Variants in MARF1 observed in about 807,000 individuals in gnomAD.
MARF1 encodes the protein limkain-b1.
In MARF1, 24 loss-of-function variants were observed where a neutral mutation model predicts 168.2. That is an observed-to-expected ratio of 0.14 (90% confidence interval 0.10 to 0.20). MARF1 has a LOEUF of 0.20. MARF1 is among the 10% of genes least tolerant of loss of function. MARF1 has a pLI of 1.00. For missense variants in MARF1, 1,744 were observed against 2,143.6 expected, an observed-to-expected ratio of 0.81 and a Z score of 3.68; for synonymous variants, 868 against 822.4, an observed-to-expected ratio of 1.06 and a Z score of -0.95.
chr16:15,641,133 T>C (rs2035923656), intron 1 of MARF1, among the ~76,000 whole-genome samples: 1 of 151,878 alleles, frequency 6.6e-6, no homozygotes, highest in Non-Finnish European at 1.5e-5. Context: ...TTTCCTCCTA[T>C]GCAAAATGTG....
At chr16:15,613,815 A>G (rs1185649622) in intron 16 of MARF1, among the ~76,000 whole-genome samples, 1 of 152,200 alleles carries the variant, frequency 6.6e-6, no homozygotes, top group African/African-American at 2.4e-5. Context: ...GGTGTCCCGT[A>G]AGAAACCTGA....
intron 21 of MARF1, 98 bp downstream of exon 21, chr16:15,608,193 A>T (rs2033180085): frequency 2.6e-6 from 2 of 758,220 alleles, no homozygotes; most frequent in South Asian, 1.9e-5. Flanking sequence ...GTGTAAATAA[A>T]GAAACGCTAC....
chr16:15,641,734 G>A (rs2035979971), intron 1 of MARF1, among the ~76,000 whole-genome samples: 1 of 152,186 alleles, frequency 6.6e-6, no homozygotes, highest in Admixed American at 6.6e-5. Context: ...ATGAAGTTTT[G>A]TAGCGAGCCT....
chr16:15,609,752 ATCACAGTTTTTT>A, intron 19 of MARF1, 27 bp from the exon 20 acceptor site: 1 of 1,592,598 alleles, frequency 6.3e-7, no homozygotes, highest in South Asian at 1.1e-5. Flanking sequence ...AAAACATAAA[ATCACAGTTTTTT>A]TCTACCCATT....
At chr16:15,624,286 C>G (rs1173061634) in intron 10 of MARF1, among the ~76,000 whole-genome samples, 1 of 152,192 alleles carries the variant, frequency 6.6e-6, no homozygotes, top group Non-Finnish European at 1.5e-5. Flanking sequence ...CTAAAAGGAG[C>G]TCATGGGAAT....
At chr16:15,601,554 C>G (rs1014517028) in intron 23 of MARF1, 5 of 255,650 alleles carry the variant, frequency 2.0e-5, no homozygotes, top group Non-Finnish European at 2.3e-5. Flanking sequence ...CTGCTCATGT[C>G]ATCATCCCCT....
In MARF1 at chr16:15,636,360, G is replaced by A; in HGVS notation, c.145-18C>T. ...TACTCTTTCTGAGAAAAGAAAATCA[G>A]AACATAAATTAATTTTATGAGGTCC... On this transcript the variant is annotated intron_variant, in intron 2 of 26. Coordinates refer to ENST00000396368, the MANE Select transcript of MARF1 (RefSeq NM_014647.4). 1 of 1,515,148 alleles carries A rather than the reference G, an allele frequency of 6.6e-7. No individual in the cohort carries two copies. The allele number at this position is 1,515,148 out of a possible 1,614,324, so 93.9% of individuals were successfully genotyped here.
At chr16:15,606,305 T>G (rs2033007360) in intron 21 of MARF1, among the ~76,000 whole-genome samples, 1 of 152,132 alleles carries the variant, frequency 6.6e-6, no homozygotes, top group African/African-American at 2.4e-5. Flanking sequence ...GCTCATCCCA[T>G]GCCTTTTCCT....
rs569771287 is a variant in MARF1 at position 15,595,057 on chromosome 16, G to C, written c.*1636C>G. On this transcript the variant is annotated 3_prime_UTR_variant, in exon 27 of 27. Transcript: ENST00000396368. ...TCTCAACACCAATTATTATTACTTT[G>C]TTTAAAAGCTCCTTTAAAAAAAATT... The C allele has an allele frequency of 6.6e-6, 1 of 152,630 alleles. No homozygotes were observed. Among genetic ancestry groups the C allele is most frequent in the South Asian group, 2.1e-4 (1 of 4,828 alleles). 9.5% of individuals were successfully genotyped at this position (152,630 alleles called of 1,614,324 possible). A position where few individuals can be genotyped will look rare whatever the true frequency, so the allele number is the denominator to read the frequency against.
chr16:15,611,195 A>G, intron 18 of MARF1, 87 bp from the exon 19 acceptor site: 1 of 1,326,986 alleles, frequency 7.5e-7, no homozygotes, highest in Non-Finnish European at 1.1e-6. Flanking sequence ...GCTGGGGCTC[A>G]CGCCTGTAAT....
Position 15,617,484 on chromosome 16 carries a change from G to A in MARF1, c.2772C>T (p.Val924=), listed in dbSNP as rs768938430. ...GTCCGTTTCCTTGTTCACGGATTGC[G>A]ACCGTGTCTGTTAATTTATATAGAT... The part of the protein sequence containing the change: ...VSDLYKLTDT[V]AIREQGNGRL... The change falls in exon 14 of 27, where the codon GTC becomes GTT. Residue 924 remains valine, a synonymous_variant. Transcript: ENST00000396368. 9 of 1,613,630 alleles carry A rather than the reference G, an allele frequency of 5.6e-6. No individual in the cohort carries two copies. Among genetic ancestry groups the A allele is most frequent in the East Asian group, 2.2e-5 (1 of 44,892 alleles).
intron 7 of MARF1, among the ~76,000 whole-genome samples, chr16:15,628,711 C>T (rs539856639): frequency 6.6e-6 from 1 of 152,208 alleles, no homozygotes; most frequent in Non-Finnish European, 1.5e-5. Context: ...CCACATCACT[C>T]GGCCCACACC....
chr16:15,640,746 T>C (rs1817453129), intron 1 of MARF1, among the ~76,000 whole-genome samples: 1 of 152,144 alleles, frequency 6.6e-6, no homozygotes, highest in African/African-American at 2.4e-5. Flanking sequence ...TGTCCATAAA[T>C]AAAGTTTAAT....
chr16:15,603,346 T>A (rs954062032), intron 22 of MARF1, among the ~76,000 whole-genome samples: 3 of 152,054 alleles, frequency 2.0e-5, no homozygotes, highest in East Asian at 1.9e-4. Flanking sequence ...TAGAACAGTA[T>A]TTTTTTTCTT....
chr16:15,642,284 G>C (rs897432811), intron 1 of MARF1, among the ~76,000 whole-genome samples: 1 of 152,080 alleles, frequency 6.6e-6, no homozygotes, highest in South Asian at 2.1e-4. Flanking sequence ...TCCCCCATTA[G>C]GCTATAAACT....
intron 17 of MARF1, 79 bp from the exon 18 acceptor site, chr16:15,611,813 T>TA: frequency 8.1e-7 from 1 of 1,235,636 alleles, no homozygotes; most frequent in Non-Finnish European, 1.2e-6. Flanking sequence ...ACCCTCTCGT[T>TA]ACTAGCCTCA....
chr16:15,613,282 A>T (rs1216072867), intron 16 of MARF1, among the ~76,000 whole-genome samples: 4 of 152,174 alleles, frequency 2.6e-5, no homozygotes, highest in African/African-American at 9.7e-5. Flanking sequence ...TGTAAGGAAC[A>T]GGTTTTTGCA....
chr16:15,621,440 G>T, intron 12 of MARF1: 1 of 381,544 alleles, frequency 2.6e-6, no homozygotes, highest in Non-Finnish European at 4.7e-6. Context: ...AGACTTTTCA[G>T]GCTTATAAAC....
At chr16:15,622,877 T>C in intron 11 of MARF1, 57 bp downstream of exon 11, 6 of 1,425,282 alleles carry the variant, frequency 4.2e-6, no homozygotes, top group South Asian at 1.4e-5. Flanking sequence ...TAGGTCCTCT[T>C]GACTAGAGAC....
Sources: allele counts gnomAD v4.1 joint callset (sites outside exome capture counted in the v4.1 genomes callset), GRCh38; gene constraint gnomAD v4.1.1; transcripts MANE v1.5; gene names NCBI Gene and HGNC (gene_info 2026-07-23, HGNC 2026-07-21).